Variants in ADAMTS17 observed in about 807,000 individuals in gnomAD.
ADAMTS17 encodes the protein A disintegrin and metalloproteinase with thrombospondin motifs 17.
A neutral mutation model predicts 141.5 loss-of-function variants in ADAMTS17; 113 were observed. The ratio of observed to expected loss-of-function variants is 0.80; its 90% CI spans 0.69 to 0.93. The LOEUF is 0.93. Ranked by LOEUF, ADAMTS17 falls within the 40% of genes least tolerant of loss-of-function variation. The probability of loss-of-function intolerance (pLI) is 0.00; values close to 1 mark genes in which losing one functional copy is unlikely to be tolerated. For synonymous variants in ADAMTS17, 768 were observed against 630.6 expected (o/e 1.22, Z -3.27); for missense variants, 1,659 against 1,517.9 (o/e 1.09, Z -1.54).
intron 12 of ADAMTS17, among the ~76,000 whole-genome samples, chr15:100,122,746 T>A (rs11631495): frequency 6.6e-5 from 10 of 151,992 alleles, no homozygotes; most frequent in African/African-American, 2.4e-4. Context: ...AGAAAATATA[T>A]TTCCTACTCA....
intron 18 of ADAMTS17, among the ~76,000 whole-genome samples, chr15:100,031,275 C>T (rs1454790540): frequency 1.3e-5 from 2 of 152,204 alleles, no homozygotes; most frequent in African/African-American, 4.8e-5. Flanking sequence ...GCATGTCTTC[C>T]TGCCTCTACA....
chr15:100,049,590 T>C (rs1413941053), intron 17 of ADAMTS17, among the ~76,000 whole-genome samples: 1 of 152,210 alleles, frequency 6.6e-6, no homozygotes, highest in Admixed American at 6.5e-5. Context: ...CCCAAATAGA[T>C]GTAGCCCTTC....
chr15:100,090,903 G>A (rs1178462940), intron 15 of ADAMTS17, among the ~76,000 whole-genome samples: 1 of 151,718 alleles, frequency 6.6e-6, no homozygotes, highest in Non-Finnish European at 1.5e-5. Flanking sequence ...AGCTACTCAG[G>A]AGGCTGAGGC....
chr15:100,039,744 T>C (rs746004175), intron 18 of ADAMTS17, among the ~76,000 whole-genome samples: 3 of 152,234 alleles, frequency 2.0e-5, no homozygotes, highest in African/African-American at 7.2e-5. Flanking sequence ...TTGGGTTTGG[T>C]TGGTTTATAC....
intron 15 of ADAMTS17, among the ~76,000 whole-genome samples, chr15:100,081,325 G>T (rs556370547): frequency 6.6e-6 from 1 of 152,176 alleles, no homozygotes; most frequent in South Asian, 2.1e-4. Context: ...TTGTGATTAC[G>T]TAAGTTAATA....
At chr15:100,239,199 C>T (rs913289109) in intron 7 of ADAMTS17, among the ~76,000 whole-genome samples, 6 of 152,382 alleles carry the variant, frequency 3.9e-5, no homozygotes, top group African/African-American at 1.4e-4. Context: ...ACATCTCCCT[C>T]TCTGCACCTC....
At chr15:100,165,812 TAAG>T (rs1479540799) in intron 8 of ADAMTS17, among the ~76,000 whole-genome samples, 2 of 152,160 alleles carry the variant, frequency 1.3e-5, no homozygotes, top group South Asian at 2.1e-4. Flanking sequence ...TGTAGGATGT[TAAG>T]AAGAACCTCT....
At chr15:100,317,289 C>T (rs566343249) in intron 3 of ADAMTS17, among the ~76,000 whole-genome samples, 1 of 152,148 alleles carries the variant, frequency 6.6e-6, no homozygotes, top group Non-Finnish European at 1.5e-5. Context: ...CAATGGCAAA[C>T]GTAGTAATGA....
At chr15:100,332,405 G>T (rs1486238119) in intron 2 of ADAMTS17, among the ~76,000 whole-genome samples, 1 of 152,210 alleles carries the variant, frequency 6.6e-6, no homozygotes, top group African/African-American at 2.4e-5. Flanking sequence ...GGCAGGGTAC[G>T]GCACAGTGCC....
chr15:100,224,412 A>AT (rs1287414799), intron 7 of ADAMTS17, among the ~76,000 whole-genome samples: 1 of 152,110 alleles, frequency 6.6e-6, no homozygotes, highest in Non-Finnish European at 1.5e-5. Flanking sequence ...GCCATTTGTG[A>AT]TTTTTGCAGC....
intron 10 of ADAMTS17, among the ~76,000 whole-genome samples, chr15:100,150,999 A>G (rs1489906083): frequency 6.6e-6 from 1 of 152,268 alleles, no homozygotes; most frequent in African/African-American, 2.4e-5. Context: ...GTGCGTGTGC[A>G]TAAGCCTTAA....
chr15:100,296,628 C>T (rs59864055), intron 3 of ADAMTS17, among the ~76,000 whole-genome samples: 31 of 151,302 alleles, frequency 2.0e-4, no homozygotes, highest in Admixed American at 8.0e-4. Flanking sequence ...CGCATGCACG[C>T]GCACGTGCAT....
chr15:100,119,929 C>T (rs2037367514), intron 12 of ADAMTS17, among the ~76,000 whole-genome samples: 1 of 152,218 alleles, frequency 6.6e-6, no homozygotes, highest in South Asian at 2.1e-4. Context: ...ATCTGCTATG[C>T]TGCTTACCAC....
intron 3 of ADAMTS17, among the ~76,000 whole-genome samples, chr15:100,309,822 G>T (rs2045346489): frequency 1.3e-5 from 2 of 152,166 alleles, no homozygotes; most frequent in African/African-American, 4.8e-5. Flanking sequence ...AGCCTGTTCT[G>T]GGCACTCTCT....
intron 4 of ADAMTS17, among the ~76,000 whole-genome samples, chr15:100,273,883 TTTTCA>T (rs2043994123): frequency 6.6e-6 from 1 of 152,212 alleles, no homozygotes; most frequent in Admixed American, 6.5e-5. Context: ...TGTGTTTTTG[TTTTCA>T]TTTATCTCTA....
At chr15:100,158,036 G>A (rs528241454) in intron 8 of ADAMTS17, among the ~76,000 whole-genome samples, 2 of 152,058 alleles carry the variant, frequency 1.3e-5, no homozygotes, top group Non-Finnish European at 2.9e-5. Context: ...CTAGAGGCAC[G>A]CGCCAGCACG....
At chr15:100,120,731 A>G (rs2037409360) in intron 12 of ADAMTS17, among the ~76,000 whole-genome samples, 1 of 152,212 alleles carries the variant, frequency 6.6e-6, no homozygotes, top group South Asian at 2.1e-4. Flanking sequence ...AAACAAAACC[A>G]AACACCCTGG....
At chr15:100,175,567 G>A (rs1195508093) in intron 8 of ADAMTS17, among the ~76,000 whole-genome samples, 1 of 152,144 alleles carries the variant, frequency 6.6e-6, no homozygotes, top group Non-Finnish European at 1.5e-5. Flanking sequence ...CTAGGTGAAG[G>A]AATGCACCCC....
At chr15:100,140,078 C>A (rs527894113) in intron 10 of ADAMTS17, among the ~76,000 whole-genome samples, 1 of 152,268 alleles carries the variant, frequency 6.6e-6, no homozygotes, top group African/African-American at 2.4e-5. Context: ...TCACTGCAAC[C>A]TCCGCCTCCT....
Sources: allele counts gnomAD v4.1 joint callset (sites outside exome capture counted in the v4.1 genomes callset), GRCh38; gene constraint gnomAD v4.1.1; transcripts MANE v1.5; gene names NCBI Gene and HGNC (gene_info 2026-07-23, HGNC 2026-07-21).